STAU2: variants seen among roughly 807,000 people sequenced by gnomAD.
STAU2 encodes the protein double-stranded RNA-binding protein Staufen homolog 2.
In STAU2, 20 loss-of-function variants were observed where a neutral mutation model predicts 65.9. The observed-to-expected ratio is 0.30, with a 90% confidence interval of 0.21 to 0.44. STAU2 has a LOEUF of 0.44. Ranked by LOEUF, STAU2 falls within the 20% of genes least tolerant of loss-of-function variation. The pLI, the probability that STAU2 is intolerant of heterozygous loss-of-function variation, is 1.00. For missense variants in STAU2, 558 were observed against 683.9 expected (o/e 0.82, Z 2.05); for synonymous variants, 232 against 233.9 (o/e 0.99, Z 0.07).
chr8:73,493,900 CA>C (rs925843490), intron 13 of STAU2, among the ~76,000 whole-genome samples: 1 of 151,658 alleles, frequency 6.6e-6, no homozygotes, highest in African/African-American at 2.4e-5. Flanking sequence ...TACTATTTAG[CA>C]AAGAAAGAAA....
In STAU2 at chr8:73,615,794, A is replaced by T; in HGVS notation, c.571-12T>A. ...CCTGATTCACCATTCTAAATCACAA[A>T]AAATAGGATAACACTGAATCTTGAC... is the stretch of plus-strand genomic sequence containing the variant. On this transcript the variant is annotated splice_polypyrimidine_tract_variant and intron_variant, in intron 7 of 14. Transcript: ENST00000524300. 1 of 1,572,058 alleles carries T rather than the reference A, an allele frequency of 6.4e-7. No homozygotes were observed. The highest frequency in any genetic ancestry group is 1.1e-5 in the South Asian group (1 of 90,184).
chr8:73,616,130 G>A (rs1488158281), intron 7 of STAU2, among the ~76,000 whole-genome samples: 1 of 151,954 alleles, frequency 6.6e-6, no homozygotes, highest in East Asian at 1.9e-4. Context: ...TTCCCCCACT[G>A]GTGTTCTAAT....
intron 3 of STAU2, among the ~76,000 whole-genome samples, chr8:73,719,457 A>G (rs1452195728): frequency 1.3e-5 from 2 of 152,202 alleles, no homozygotes; most frequent in African/African-American, 2.4e-5. Flanking sequence ...AAGGTTTTTC[A>G]TAGAAGCACA....
chr8:73,553,755 T>C (rs970301713), intron 12 of STAU2, among the ~76,000 whole-genome samples: 1 of 151,904 alleles, frequency 6.6e-6, no homozygotes, highest in Non-Finnish European at 1.5e-5. Flanking sequence ...TTTCAGTTTA[T>C]GGTATTTTTT....
intron 12 of STAU2, among the ~76,000 whole-genome samples, chr8:73,555,480 G>A (rs907829799): frequency 3.3e-5 from 5 of 151,874 alleles, no homozygotes; most frequent in Admixed American, 6.6e-5. Context: ...ACAGTCCTCC[G>A]CATGCATGAG....
intron 4 of STAU2, among the ~76,000 whole-genome samples, chr8:73,699,860 C>CAAA (rs201419278): frequency 2.8e-4 from 25 of 88,880 alleles, no homozygotes; most frequent in African/African-American, 8.3e-4. Flanking sequence ...AAACACACAT[C>CAAA]AAAAAAAAAA....
intron 13 of STAU2, among the ~76,000 whole-genome samples, chr8:73,472,285 T>C (rs1027268894): frequency 4.6e-5 from 7 of 152,124 alleles, no homozygotes; most frequent in African/African-American, 1.7e-4. Context: ...ATGATGAGCA[T>C]GGAGATATAA....
intron 10 of STAU2, among the ~76,000 whole-genome samples, chr8:73,598,218 G>C (rs1045437618): frequency 6.9e-6 from 1 of 145,686 alleles, no homozygotes; most frequent in Non-Finnish European, 1.5e-5. Flanking sequence ...ACTAGGAAAA[G>C]AAGAAAACTT....
At chr8:73,685,070 A>G (rs1227991464) in intron 5 of STAU2, among the ~76,000 whole-genome samples, 1 of 152,104 alleles carries the variant, frequency 6.6e-6, no homozygotes, top group African/African-American at 2.4e-5. Context: ...AAGATCTGAT[A>G]GTTTTGTAAG....
chr8:73,516,353 C>G (rs959500910), intron 13 of STAU2, among the ~76,000 whole-genome samples: 20 of 151,934 alleles, frequency 1.3e-4, no homozygotes, highest in African/African-American at 4.8e-4. Flanking sequence ...TTTATCACTA[C>G]CTTGCCCTTA....
At chr8:73,601,587 T>C (rs1811632079) in intron 10 of STAU2, among the ~76,000 whole-genome samples, 1 of 152,230 alleles carries the variant, frequency 6.6e-6, no homozygotes, top group South Asian at 2.1e-4. Flanking sequence ...AAGTAGTTTA[T>C]ACAAAGGCCG....
intron 6 of STAU2, among the ~76,000 whole-genome samples, chr8:73,617,781 A>C (rs1366283033): frequency 1.3e-5 from 2 of 152,230 alleles, no homozygotes; most frequent in Non-Finnish European, 2.9e-5. Flanking sequence ...ATGAAGCTAC[A>C]ACAGAGGCTG....
At chr8:73,630,201 T>C (rs551254272) in intron 6 of STAU2, among the ~76,000 whole-genome samples, 307 of 152,364 alleles carry the variant, frequency 2.0e-3, no homozygotes, top group Non-Finnish European at 3.5e-3. Flanking sequence ...GGATTTCAAT[T>C]ACCTATGCTC....
At chr8:73,627,758 A>T (rs1586151562) in intron 6 of STAU2, among the ~76,000 whole-genome samples, 1 of 11,888 alleles carries the variant, frequency 8.4e-5, no homozygotes, top group South Asian at 3.1e-3. Flanking sequence ...ACCTTGTTAA[A>T]AAAAAAAAAA....
chr8:73,742,979 T>C (rs139089054), intron 1 of STAU2, among the ~76,000 whole-genome samples: 2 of 152,162 alleles, frequency 1.3e-5, no homozygotes, highest in African/African-American at 4.8e-5. Context: ...AATGTCTTAT[T>C]TGACAACATG....
chr8:73,513,559 T>C (rs1822531160), intron 13 of STAU2, among the ~76,000 whole-genome samples: 2 of 152,178 alleles, frequency 1.3e-5, no homozygotes, highest in African/African-American at 4.8e-5. Flanking sequence ...TATAGGTAGC[T>C]TGAGCCCTCT....
At chr8:73,593,140 G>A (rs904589050) in intron 11 of STAU2, among the ~76,000 whole-genome samples, 3 of 151,892 alleles carry the variant, frequency 2.0e-5, no homozygotes, top group Non-Finnish European at 4.4e-5. Context: ...TACCTTCACT[G>A]TCTCAGTTCA....
chr8:73,507,482 A>T (rs1822133364), intron 13 of STAU2, among the ~76,000 whole-genome samples: 1 of 152,102 alleles, frequency 6.6e-6, no homozygotes, highest in Admixed American at 6.6e-5. Context: ...TACCCAGCAA[A>T]CCATGCTGTA....
intron 12 of STAU2, among the ~76,000 whole-genome samples, chr8:73,570,305 G>A (rs1344085270): frequency 6.6e-6 from 1 of 152,220 alleles, no homozygotes; most frequent in Admixed American, 6.5e-5. Context: ...AGAAATATGG[G>A]ACTATGTGAA....
Sources: gnomAD v4.1 joint callset for allele counts (sites outside exome capture counted in the v4.1 genomes callset) on GRCh38, gnomAD v4.1.1 for gene constraint, MANE v1.5 for transcripts, NCBI Gene and HGNC (gene_info 2026-07-23, HGNC 2026-07-21) for gene names.